The following STAP1 variants were observed in gnomAD, a reference collection of about 807,000 sequenced individuals.
The protein encoded by STAP1 is signal-transducing adaptor protein 1.
A neutral mutation model predicts 37.8 loss-of-function variants in STAP1; 30 were observed. The ratio of observed to expected loss-of-function variants is 0.79; its 90% confidence interval spans 0.59 to 1.08. The LOEUF (loss-of-function observed/expected upper bound fraction) is 1.08, where lower values mean the gene tolerates loss of function less well. Among genes scored for constraint, STAP1 ranks in the 50% least tolerant of loss-of-function variants. The pLI is 0.00. For missense variants in STAP1, 357 were observed against 349.4 expected, an observed-to-expected ratio of 1.02 and a Z score of -0.17; for synonymous variants, 130 against 116.0, an observed-to-expected ratio of 1.12 and a Z score of -0.78.
intron 1 of STAP1, among the ~76,000 whole-genome samples, chr4:67,563,684 C>T (rs551151849): frequency 4.6e-5 from 7 of 152,310 alleles, no homozygotes; most frequent in African/African-American, 1.7e-4. Flanking sequence ...GCCTGAGCAA[C>T]AGAGCGAGAC....
Position 67,575,505 on chromosome 4 carries a change from G to A in STAP1, c.306+7G>A. 4 of 1,590,516 alleles carry A rather than the reference G, an allele frequency of 2.5e-6. No homozygotes were observed. The South Asian group carries it at 3.4e-5, about 13-fold the overall frequency. On this transcript the variant is annotated splice_region_variant and intron_variant, in intron 3 of 8. Coordinates refer to ENST00000265404, the MANE Select transcript of STAP1 (RefSeq NM_012108.4). ...AGAGGAAGTACAACTGAAGGTGAGC[G>A]AGGAGAAACAGTAGTCTGTAAAGGG...
At chr4:67,565,938 T>G (rs1578021026) in intron 1 of STAP1, among the ~76,000 whole-genome samples, 1 of 56,022 alleles carries the variant, frequency 1.8e-5, no homozygotes, top group Admixed American at 1.6e-4. Flanking sequence ...CAACTGCTTT[T>G]TTTTTTTTTT....
At chr4:67,601,748 G>C (rs983963339) in intron 8 of STAP1, among the ~76,000 whole-genome samples, 2 of 152,098 alleles carry the variant, frequency 1.3e-5, no homozygotes, top group African/African-American at 4.8e-5. Flanking sequence ...TTTGTTTGTT[G>C]CTTTTCTCTT....
At chr4:67,599,765 C>T (rs1728301780) in intron 8 of STAP1, among the ~76,000 whole-genome samples, 1 of 152,000 alleles carries the variant, frequency 6.6e-6, no homozygotes, top group Non-Finnish European at 1.5e-5. Flanking sequence ...CCTCAGCCTC[C>T]CAAGTACCTG....
At position 67,566,490 on chromosome 4, in the gene STAP1, C is replaced by T. The variant is rs555797501; in HGVS notation, c.121-4594C>T. Among the ~76,000 whole-genome samples, 8 of 152,278 alleles carry T rather than the reference C, an allele frequency of 5.3e-5. No homozygotes were observed. The South Asian group carries it at 1.7e-3, about 32-fold the overall frequency. ...TCAGATTAAGAGCCACAAGCTGAACCTCTTGGAGGCCCTTTGCCACATGGC... is the reference window on the plus strand; with the variant it reads ...TCAGATTAAGAGCCACAAGCTGAACTTCTTGGAGGCCCTTTGCCACATGGC... On this transcript the variant is annotated intron_variant, in intron 1 of 8. Transcript: ENST00000265404.
intron 2 of STAP1, among the ~76,000 whole-genome samples, chr4:67,572,121 G>A (rs533621210): frequency 6.6e-6 from 1 of 152,282 alleles, no homozygotes; most frequent in African/African-American, 2.4e-5. Flanking sequence ...CTGGGTGTTT[G>A]TCCTAGCCCT....
In STAP1 at chr4:67,558,949, T is replaced by A; in HGVS notation, c.120+20T>A. 3 of 1,568,272 alleles carry A rather than the reference T, an allele frequency of 1.9e-6. No individual in the cohort carries two copies. The highest frequency in any genetic ancestry group is 2.6e-6 in the Non-Finnish European group (3 of 1,157,416). ...TACCGGGTGAGTCTATAGATGATAA[T>A]GTTAAACCTAAGACTTCTGTTTTAA... On this transcript the variant is annotated intron_variant, in intron 1 of 8. Coordinates refer to ENST00000265404, the MANE Select transcript of STAP1 (RefSeq NM_012108.4).
chr4:67,583,006 C>T (rs145524172), intron 5 of STAP1, among the ~76,000 whole-genome samples: 89 of 152,204 alleles, frequency 5.8e-4, no homozygotes, highest in African/African-American at 1.4e-3. Flanking sequence ...GTGGGTTTAT[C>T]GGGATATAAT....
rs552358572 is a variant in STAP1, at chr4:67,574,479, C to A, written c.193-906C>A. Among the ~76,000 whole-genome samples, 4 of 152,124 alleles carry A rather than the reference C, an allele frequency of 2.6e-5. No homozygotes were observed. In the South Asian group the frequency reaches 8.3e-4, roughly 32 times the overall value. On this transcript the variant is annotated intron_variant, in intron 2 of 8. Coordinates refer to ENST00000265404, the MANE Select transcript of STAP1 (RefSeq NM_012108.4). ...ATGTATTAAAATCAATAAATGTGAG[C>A]AATTTCTTTGCTGAATTAGATAATA...
intron 1 of STAP1, among the ~76,000 whole-genome samples, chr4:67,561,572 G>T (rs1727338141): frequency 1.3e-5 from 2 of 152,112 alleles, no homozygotes; most frequent in African/African-American, 4.8e-5. Flanking sequence ...CTAAATCTGA[G>T]GTCAAGAACC....
chr4:67,589,287 C>A (rs1468618999), intron 6 of STAP1, among the ~76,000 whole-genome samples: 1 of 152,210 alleles, frequency 6.6e-6, no homozygotes. Flanking sequence ...GTAACTGATT[C>A]CTGAAGTTTC....
At chr4:67,591,522 C>G (rs1728119212) in intron 7 of STAP1, among the ~76,000 whole-genome samples, 1 of 152,136 alleles carries the variant, frequency 6.6e-6, no homozygotes, top group Non-Finnish European at 1.5e-5. Flanking sequence ...TTACACTGTT[C>G]TGAACCAATG....
chr4:67,576,220 C>T (rs1197648818), intron 3 of STAP1, among the ~76,000 whole-genome samples: 3 of 152,292 alleles, frequency 2.0e-5, no homozygotes, highest in Non-Finnish European at 4.4e-5. Flanking sequence ...TTTCTCCTCT[C>T]CTATGCCCCT....
At position 67,583,555 on chromosome 4, in the gene STAP1, T is replaced by C. The variant is rs761134557; in HGVS notation, c.531-19T>C. ...ATCAGTTAAAAAAACAATTCTGTTTTTTTATCTCACCTCTGTAGATGTTTT... is the reference window on the plus strand; with the variant it reads ...ATCAGTTAAAAAAACAATTCTGTTTCTTTATCTCACCTCTGTAGATGTTTT... On this transcript the variant is annotated intron_variant, in intron 5 of 8. Coordinates refer to ENST00000265404, the MANE Select transcript of STAP1 (RefSeq NM_012108.4). The C allele has an allele frequency of 6.3e-7, 1 of 1,576,808 alleles. No individual in the cohort carries two copies.
At chr4:67,604,555 T>C (rs542554022) in intron 8 of STAP1, among the ~76,000 whole-genome samples, 3 of 152,362 alleles carry the variant, frequency 2.0e-5, no homozygotes, top group East Asian at 1.9e-4. Flanking sequence ...TCATGAAGCA[T>C]AGCTGCTTTA....
intron 8 of STAP1, among the ~76,000 whole-genome samples, chr4:67,598,141 A>G (rs1188170406): frequency 6.6e-6 from 1 of 152,124 alleles, no homozygotes; most frequent in Non-Finnish European, 1.5e-5. Context: ...TGCTGTTCTT[A>G]TGATAATGAG....
chr4:67,559,703 G>A (rs970827024), intron 1 of STAP1, among the ~76,000 whole-genome samples: 3 of 151,860 alleles, frequency 2.0e-5, no homozygotes, highest in African/African-American at 7.3e-5. Flanking sequence ...CATTAAGTTA[G>A]GTCAAATTTT....
intron 8 of STAP1, among the ~76,000 whole-genome samples, chr4:67,604,265 G>A (rs1470260132): frequency 6.6e-6 from 1 of 152,190 alleles, no homozygotes; most frequent in Non-Finnish European, 1.5e-5. Flanking sequence ...GACCAGGTTG[G>A]CAATTCAAGA....
chr4:67,569,294 A>G (rs1173458694), intron 1 of STAP1, among the ~76,000 whole-genome samples: 1 of 152,228 alleles, frequency 6.6e-6, no homozygotes, highest in Non-Finnish European at 1.5e-5. Flanking sequence ...TGGAGCTTGC[A>G]GGACTGGTAG....
Sources: gnomAD v4.1 joint callset for allele counts (sites outside exome capture counted in the v4.1 genomes callset) on GRCh38, gnomAD v4.1.1 for gene constraint, MANE v1.5 for transcripts, NCBI Gene and HGNC (gene_info 2026-07-23, HGNC 2026-07-21) for gene names.